Variants in TBC1D8 observed in about 807,000 individuals in gnomAD.
TBC1D8 encodes the protein BUB2-like protein 1.
TBC1D8 carries 65 observed loss-of-function variants against 118.8 expected under a neutral mutation model. The ratio of observed to expected loss-of-function variants is 0.55; its 90% CI spans 0.45 to 0.67. The LOEUF (loss-of-function observed/expected upper bound fraction) is 0.67. Ranked by LOEUF, TBC1D8 falls within the 30% of genes least tolerant of loss-of-function variation. The probability of loss-of-function intolerance (pLI) is 0.00; values close to 1 mark genes in which losing one functional copy is unlikely to be tolerated. For missense variants in TBC1D8, 1,376 were observed against 1,471.2 expected (o/e 0.94, Z 1.06); for synonymous variants, 566 against 595.8 (o/e 0.95, Z 0.73).
intron 5 of TBC1D8, among the ~76,000 whole-genome samples, chr2:101,041,607 T>C (rs1415183768): frequency 2.0e-5 from 3 of 152,284 alleles, no homozygotes; most frequent in South Asian, 2.1e-4. Flanking sequence ...TGAAATGCTC[T>C]AAAATTGATT....
intron 5 of TBC1D8, among the ~76,000 whole-genome samples, chr2:101,048,518 C>CA (rs987243419): frequency 4.6e-5 from 7 of 151,922 alleles, no homozygotes; most frequent in South Asian, 2.1e-4. Flanking sequence ...GAATCTTAAC[C>CA]AAAAAAATCA....
chr2:101,050,824 A>AC (rs1682027150), intron 4 of TBC1D8, among the ~76,000 whole-genome samples, 183 bp from the exon 5 acceptor site: 1 of 152,334 alleles, frequency 6.6e-6, no homozygotes, highest in African/African-American at 2.4e-5. Flanking sequence ...AACTCATGTC[A>AC]TGCGGGTTTG....
chr2:101,009,965 G>A (rs1679075096), intron 19 of TBC1D8, among the ~76,000 whole-genome samples: 1 of 151,870 alleles, frequency 6.6e-6, no homozygotes, highest in Non-Finnish European at 1.5e-5. Flanking sequence ...GGGACTACAG[G>A]CGCCCGCCAC....
At chr2:101,026,450 GGAGT>G (rs1045098572) in intron 15 of TBC1D8, among the ~76,000 whole-genome samples, 60 of 152,352 alleles carry the variant, frequency 3.9e-4, no homozygotes, top group Admixed American at 8.5e-4. Flanking sequence ...TTAGGAATGA[GGAGT>G]GAGGAACCTA....
At chr2:101,072,761 C>T (rs1401918825) in intron 2 of TBC1D8, among the ~76,000 whole-genome samples, 1 of 152,248 alleles carries the variant, frequency 6.6e-6, no homozygotes, top group East Asian at 1.9e-4. Flanking sequence ...TGCCGCTCAC[C>T]TCGTCCTGTG....
intron 2 of TBC1D8, among the ~76,000 whole-genome samples, chr2:101,083,069 G>A (rs572980663): frequency 9.2e-5 from 14 of 152,152 alleles, no homozygotes; most frequent in South Asian, 8.3e-4. Context: ...GGCCTGGCTC[G>A]GCAGAAAGCG....
At chr2:101,064,609 G>T (rs2105429429) in intron 2 of TBC1D8, among the ~76,000 whole-genome samples, 1 of 152,306 alleles carries the variant, frequency 6.6e-6, no homozygotes, top group Middle Eastern at 3.4e-3. Flanking sequence ...TGAAAGTCCA[G>T]TGAATCTTAA....
chr2:101,097,097 T>A (rs2105465063), intron 1 of TBC1D8, among the ~76,000 whole-genome samples: 1 of 152,120 alleles, frequency 6.6e-6, no homozygotes, highest in African/African-American at 2.4e-5. Flanking sequence ...AAAAAACAGC[T>A]TGAGGAACAA....
chr2:101,019,527 T>A (rs17663389), intron 17 of TBC1D8: 15,476 of 153,062 alleles, frequency 0.1, 944 homozygotes, highest in Non-Finnish European at 0.14. Flanking sequence ...AAGGCTTTTT[T>A]AACTGCATCA....
chr2:101,032,646 C>G, intron 10 of TBC1D8: 1 of 409,038 alleles, frequency 2.4e-6, no homozygotes, highest in South Asian at 5.1e-5. Context: ...TGGTGCAAGT[C>G]TTAAGGTTGG....
At chr2:101,021,631 A>G (rs1259738702) in intron 17 of TBC1D8, 50 bp downstream of exon 17, 1 of 1,240,258 alleles carries the variant, frequency 8.1e-7, no homozygotes, top group Non-Finnish European at 1.2e-6. Flanking sequence ...CAAAGCTGAT[A>G]CTGTGTTGAA....
At chr2:101,144,139 A>G (rs1315359042) in intron 1 of TBC1D8, among the ~76,000 whole-genome samples, 2 of 152,238 alleles carry the variant, frequency 1.3e-5, no homozygotes, top group African/African-American at 2.4e-5. Context: ...CTTGATGTCT[A>G]CATCCATGTA....
chr2:101,056,047 T>A (rs1682407555), intron 3 of TBC1D8, among the ~76,000 whole-genome samples: 1 of 151,508 alleles, frequency 6.6e-6, no homozygotes, highest in South Asian at 2.1e-4. Context: ...TTCTCTTTTT[T>A]TTTTTTTGGT....
At chr2:101,138,687 G>C (rs1179384396) in intron 1 of TBC1D8, among the ~76,000 whole-genome samples, 1 of 152,172 alleles carries the variant, frequency 6.6e-6, no homozygotes, top group Non-Finnish European at 1.5e-5. Flanking sequence ...ACACAGGGCG[G>C]GGTGTACTGG....
chr2:101,025,462 A>C (rs1477522739), intron 15 of TBC1D8, among the ~76,000 whole-genome samples: 1 of 152,142 alleles, frequency 6.6e-6, no homozygotes, highest in Non-Finnish European at 1.5e-5. Flanking sequence ...GCTGACCTCA[A>C]GTGATTCGGC....
chr2:101,123,986 T>C (rs915288209), intron 1 of TBC1D8, among the ~76,000 whole-genome samples: 3 of 152,192 alleles, frequency 2.0e-5, no homozygotes, highest in South Asian at 2.1e-4. Context: ...ACATCGGCCA[T>C]GGACTTGGTG....
chr2:101,137,961 G>A (rs982540816), intron 1 of TBC1D8, among the ~76,000 whole-genome samples: 1 of 152,176 alleles, frequency 6.6e-6, no homozygotes, highest in Non-Finnish European at 1.5e-5. Context: ...AGGTTTAATT[G>A]GCTCACAGTT....
intron 8 of TBC1D8, 113 bp from the exon 9 acceptor site, chr2:101,036,281 C>T (rs866929848): frequency 1.7e-6 from 2 of 1,206,122 alleles, no homozygotes; most frequent in Admixed American, 2.1e-5. Flanking sequence ...GAGGGGCCAA[C>T]AGCAACGGGC....
rs548111406 is a variant in TBC1D8, at chr2:101,028,028, G to T, written c.2451+20C>A. ...GCTCCCCAATACCGTGATCACCGGG[G>T]TGAGGCGTCTGCTACCCACCACGTT... On this transcript the variant is annotated intron_variant, in intron 14 of 19. Transcript: ENST00000409318. The T allele has an allele frequency of 1.2e-6, 2 of 1,612,270 alleles. No individual in the cohort carries two copies. Among genetic ancestry groups the T allele is most frequent in the Non-Finnish European group, 1.7e-6 (2 of 1,178,440 alleles).
Sources: allele counts gnomAD v4.1 joint callset (sites outside exome capture counted in the v4.1 genomes callset), GRCh38; gene constraint gnomAD v4.1.1; transcripts MANE v1.5; gene names NCBI Gene and HGNC (gene_info 2026-07-23, HGNC 2026-07-21).